The following USP28 variants were observed in gnomAD, a reference collection of about 807,000 sequenced individuals.
USP28 encodes the protein ubiquitin specific peptidase 28.
Under a neutral mutation model 145.0 loss-of-function variants are expected in USP28, and 113 were observed. That is an observed-to-expected ratio of 0.78 (90% CI 0.67 to 0.91). The LOEUF (loss-of-function observed/expected upper bound fraction) is 0.91. Among genes scored for constraint, USP28 ranks in the 40% least tolerant of loss-of-function variants. The pLI, the probability that USP28 is intolerant of heterozygous loss-of-function variation, is 0.00. For missense variants in USP28, 1,201 were observed against 1,289.6 expected (o/e 0.93, Z 1.05); for synonymous variants, 447 against 450.9 (o/e 0.99, Z 0.11).
chr11:113,815,809 T>C (rs916678621), intron 13 of USP28, among the ~76,000 whole-genome samples: 1 of 152,196 alleles, frequency 6.6e-6, no homozygotes, highest in Admixed American at 6.5e-5. Context: ...GTTTACAAGA[T>C]GAAGCCAACT....
exon 15 of USP28, chr11:113,813,905 A>G (rs1941349228): frequency 6.2e-7 from 1 of 1,612,996 alleles, no homozygotes; most frequent in Admixed American, 1.7e-5. Flanking sequence ...AGAGGATCGC[A>G]GTACATCTGT....
chr11:113,873,813 A>G (rs1949056295), intron 1 of USP28, among the ~76,000 whole-genome samples: 2 of 152,226 alleles, frequency 1.3e-5, no homozygotes, highest in Non-Finnish European at 2.9e-5. Context: ...TTCGGAGCCC[A>G]GGACCTGGAA....
intron 5 of USP28, among the ~76,000 whole-genome samples, chr11:113,838,196 A>T (rs1297594758): frequency 1.3e-5 from 2 of 152,118 alleles, no homozygotes; most frequent in Non-Finnish European, 2.9e-5. Flanking sequence ...CCTCCACAGG[A>T]GTGAAGGCTA....
At chr11:113,865,054 G>A (rs1333636338) in intron 1 of USP28, among the ~76,000 whole-genome samples, 42 of 152,250 alleles carry the variant, frequency 2.8e-4, no homozygotes. Flanking sequence ...TGCCCAGGCT[G>A]GTCTTGAACT....
chr11:113,854,283 G>C (rs761399634), exon 2 of USP28: 2 of 1,614,056 alleles, frequency 1.2e-6, no homozygotes, highest in Admixed American at 3.3e-5. Flanking sequence ...GAGAAAGGAA[G>C]GGTCCTGAAT....
exon 1 of USP28, chr11:113,875,450 C>T (rs866916772): frequency 8.0e-7 from 1 of 1,250,174 alleles, no homozygotes; most frequent in South Asian, 2.3e-5. Context: ...CCCACCGAGC[C>T]GTGGCCGTCT....
At chr11:113,837,322 CTGAGGGA>C (rs1249912308) in intron 5 of USP28, among the ~76,000 whole-genome samples, 3 of 152,210 alleles carry the variant, frequency 2.0e-5, no homozygotes, top group Non-Finnish European at 4.4e-5. Flanking sequence ...CAATTGTTTG[CTGAGGGA>C]ACTCGCATGC....
chr11:113,826,949 TG>T (rs1392921116), intron 11 of USP28, among the ~76,000 whole-genome samples: 2 of 150,050 alleles, frequency 1.3e-5, no homozygotes, highest in African/African-American at 4.9e-5. Context: ...AATTCTATAA[TG>T]TAAGTCTGCT....
At chr11:113,834,365 C>G (rs148240992) in intron 5 of USP28, 30 bp from the exon 6 acceptor site, 3 of 1,490,306 alleles carry the variant, frequency 2.0e-6, no homozygotes, top group Non-Finnish European at 2.8e-6. Flanking sequence ...GGATTCATAG[C>G]CTTTCCTGAA....
intron 3 of USP28, among the ~76,000 whole-genome samples, chr11:113,845,620 CTAGAGGGCAG>C (rs1945746781): frequency 6.6e-6 from 1 of 152,088 alleles, no homozygotes; most frequent in African/African-American, 2.4e-5. Context: ...GTCACCAGGG[CTAGAGGGCAG>C]TAGGTACAAT....
intron 18 of USP28, chr11:113,807,979 C>G: frequency 8.5e-7 from 1 of 1,174,560 alleles, no homozygotes. Flanking sequence ...TGCATCAGAT[C>G]TAACCAGAAT....
intron 1 of USP28, among the ~76,000 whole-genome samples, chr11:113,858,467 A>T (rs1457276681): frequency 6.6e-6 from 1 of 152,088 alleles, no homozygotes; most frequent in Non-Finnish European, 1.5e-5. Context: ...CCTCCTCCAT[A>T]TGAAGTCCTT....
Position 113,803,790 on chromosome 11 carries a change from C to T in USP28, c.2738+8G>A. 6.2e-7 allele frequency: 1 copy of T among 1,610,968 alleles called. No homozygotes were observed. Among genetic ancestry groups the T allele is most frequent in the Non-Finnish European group, 8.5e-7 (1 of 1,177,868 alleles). ...TAATAATCTTGGTAAAATAAAAGGC[C>T]AACATACTTTCCTTTTTGATAGAGT... is the stretch of plus-strand genomic sequence containing the variant. On this transcript the variant is annotated splice_region_variant and intron_variant, in intron 22 of 24. Coordinates refer to ENST00000003302, the Ensembl canonical transcript of USP28.
chr11:113,811,693 A>G (rs1941015835), intron 16 of USP28, among the ~76,000 whole-genome samples: 1 of 152,178 alleles, frequency 6.6e-6, no homozygotes, highest in East Asian at 1.9e-4. Context: ...GTCTCAAAAA[A>G]AAAAGAAAGA....
At position 113,812,507 on chromosome 11, in the gene USP28, G is replaced by A; in HGVS notation, c.1744-3C>T. 6.2e-7 allele frequency: 1 copy of A among 1,613,362 alleles called. No homozygotes were observed. Reference sequence around the variant, plus strand: ...ACTGCATGCAAGCGATAAGGCACCTGTAAGTCAGAATGTACATTCCCCAGT... The same window carrying A: ...ACTGCATGCAAGCGATAAGGCACCTATAAGTCAGAATGTACATTCCCCAGT... On this transcript the variant is annotated splice_polypyrimidine_tract_variant and splice_region_variant and intron_variant, in intron 15 of 24. Transcript: ENST00000003302.
Position 113,852,651 on chromosome 11 carries a change from A to G in USP28, c.136-18T>C. The G allele has an allele frequency of 6.2e-7, 1 of 1,611,192 alleles. No homozygotes were observed. Among genetic ancestry groups the G allele is most frequent in the Non-Finnish European group, 8.5e-7 (1 of 1,179,764 alleles). On this transcript the variant is annotated intron_variant, in intron 2 of 24. Coordinates refer to ENST00000003302, the Ensembl canonical transcript of USP28. ...TTACTGGCCTATGGGAGAAAAAGACAATAGAAATTTCAAAAGTAATCATAG... is the reference window on the plus strand; with the variant it reads ...TTACTGGCCTATGGGAGAAAAAGACGATAGAAATTTCAAAAGTAATCATAG...
chr11:113,817,763 C>T (rs1403969555), exon 13 of USP28: 11 of 1,614,092 alleles, frequency 6.8e-6, no homozygotes, highest in Non-Finnish European at 5.9e-6. Flanking sequence ...AGGTTTTGTA[C>T]TAGCAAATTC....
chr11:113,826,027 A>G (rs1434826112), intron 11 of USP28, among the ~76,000 whole-genome samples: 1 of 152,112 alleles, frequency 6.6e-6, no homozygotes, highest in Non-Finnish European at 1.5e-5. Flanking sequence ...GCTCACGCCT[A>G]TAATCCCAGC....
intron 15 of USP28, 51 bp downstream of exon 15, chr11:113,813,834 A>C (rs113336417): frequency 9.1e-6 from 13 of 1,432,948 alleles, no homozygotes; most frequent in Non-Finnish European, 1.3e-5. Flanking sequence ...TGATTTTTGT[A>C]TCTACCATTA....
Sources: gnomAD v4.1 joint callset for allele counts (sites outside exome capture counted in the v4.1 genomes callset) on GRCh38, gnomAD v4.1.1 for gene constraint, MANE v1.5 for transcripts, NCBI Gene and HGNC (gene_info 2026-07-23, HGNC 2026-07-21) for gene names.